The following GPC3 variants were observed in gnomAD, a reference collection of about 807,000 sequenced individuals.
GPC3 encodes glypican-3.
Under a neutral mutation model 34.4 loss-of-function variants are expected in GPC3, and 3 were observed. The ratio of observed to expected loss-of-function variants is 0.09; its 90% CI spans 0.04 to 0.23. The LOEUF is 0.23. Ranked by LOEUF, GPC3 falls within the 10% of genes least tolerant of loss-of-function variation. The pLI is 1.00. For missense variants in GPC3, 351 were observed against 445.6 expected, an observed-to-expected ratio of 0.79 and a Z score of 1.91; for synonymous variants, 177 against 174.0, an observed-to-expected ratio of 1.02 and a Z score of -0.13.
At chrX:133,602,938 A>C (rs1314044629) in intron 6 of GPC3, among the ~76,000 whole-genome samples, 1 of 110,997 alleles carries the variant, frequency 9.0e-6, no homozygotes, top group Non-Finnish European at 1.9e-5. Flanking sequence ...ATAACAAGTA[A>C]TTCAATGTGT....
At chrX:133,890,788 A>T (rs2076083000) in intron 2 of GPC3, among the ~76,000 whole-genome samples, 1 of 105,284 alleles carries the variant, frequency 9.5e-6, no homozygotes, top group Non-Finnish European at 1.9e-5. Flanking sequence ...TGAACCCAGG[A>T]GGCAGAGGTG....
At chrX:133,638,770 T>C (rs994085150) in intron 6 of GPC3, among the ~76,000 whole-genome samples, 2 of 106,919 alleles carry the variant, frequency 1.9e-5, no homozygotes, top group African/African-American at 3.5e-5. Flanking sequence ...GGAAGAAGAA[T>C]TGTCTTGGGC....
intron 1 of GPC3, among the ~76,000 whole-genome samples, chrX:133,957,278 A>G (rs2076420586): frequency 8.9e-6 from 1 of 112,317 alleles, no homozygotes; most frequent in Non-Finnish European, 1.9e-5. Context: ...CAAACCAGGA[A>G]GGAGAGAAAT....
chrX:133,972,651 T>C lies in GPC3; in HGVS notation c.175+12624A>G, dbSNP rs1453356356. On this transcript the variant is annotated intron_variant, in intron 1 of 7. Transcript: ENST00000370818. ...GTCTGTTATACTTAAATAGAGGGCA[T>C]GCACGCCAAGGCCATAAGAGTGAGA... 1.9e-4 allele frequency among the ~76,000 whole-genome samples: 21 copies of C among 112,517 alleles called. No homozygotes were observed. In the Admixed American group the frequency reaches 1.9e-3, roughly 10 times the overall value.
chrX:133,973,108 A>G (rs1192050169), intron 1 of GPC3, among the ~76,000 whole-genome samples: 1 of 111,310 alleles, frequency 9.0e-6, no homozygotes, highest in Non-Finnish European at 1.9e-5. Context: ...ACAAGCAAAG[A>G]CTGAAGCGAG....
rs186306705 is a variant in GPC3 at position 133,769,232 on chromosome X, G to A, written c.338-15056C>T. Among the ~76,000 whole-genome samples the A allele has an allele frequency of 7.0e-3, 783 of 111,914 alleles. 4 individuals carry two copies. Among genetic ancestry groups the A allele is most frequent in the Non-Finnish European group, 0.01 (542 of 53,176 alleles). On this transcript the variant is annotated intron_variant, in intron 2 of 7. Transcript: ENST00000370818. ...GAATGGTGGTTTTCAGAGCCTGGGTGAGGGCAAAACAGAGAGGTATCATCA... is the reference window on the plus strand; with the variant it reads ...GAATGGTGGTTTTCAGAGCCTGGGTAAGGGCAAAACAGAGAGGTATCATCA...
chrX:133,895,770 T>A (rs1257355807), intron 2 of GPC3, among the ~76,000 whole-genome samples: 1 of 110,708 alleles, frequency 9.0e-6, no homozygotes, highest in Non-Finnish European at 1.9e-5. Context: ...CACACACACA[T>A]CTCAAAAGCA....
At chrX:133,591,033 A>G (rs1310755760) in intron 7 of GPC3, among the ~76,000 whole-genome samples, 1 of 112,009 alleles carries the variant, frequency 8.9e-6, no homozygotes, top group Non-Finnish European at 1.9e-5. Context: ...CAGGAACAGA[A>G]CCTGCGTGTC....
At chrX:133,903,907 G>C (rs904117838) in intron 2 of GPC3, among the ~76,000 whole-genome samples, 16 of 111,614 alleles carry the variant, frequency 1.4e-4, no homozygotes, top group African/African-American at 3.9e-4. Context: ...ACAAGACTGT[G>C]ATTGGAGGAG....
intron 5 of GPC3, among the ~76,000 whole-genome samples, chrX:133,663,113 G>C (rs944500281): frequency 9.0e-6 from 1 of 110,802 alleles, no homozygotes; most frequent in African/African-American, 3.3e-5. Context: ...AACCAAAATT[G>C]GAATGATACT....
At chrX:133,809,959 G>T (rs938210279) in intron 2 of GPC3, among the ~76,000 whole-genome samples, 1 of 112,126 alleles carries the variant, frequency 8.9e-6, no homozygotes, top group African/African-American at 3.2e-5. Flanking sequence ...AGCAAACCTA[G>T]TGTGTGAACA....
At chrX:133,733,053 A>T (rs888800226) in intron 3 of GPC3, among the ~76,000 whole-genome samples, 1 of 110,639 alleles carries the variant, frequency 9.0e-6, no homozygotes, top group Non-Finnish European at 1.9e-5. Flanking sequence ...GTAGAGACAG[A>T]GTTTGACCAT....
chrX:133,625,756 T>C (rs748465749), intron 6 of GPC3, among the ~76,000 whole-genome samples: 36 of 111,901 alleles, frequency 3.2e-4, no homozygotes, highest in African/African-American at 1.1e-3. Flanking sequence ...AATTTATAGA[T>C]TCAATGCCAT....
intron 2 of GPC3, among the ~76,000 whole-genome samples, chrX:133,825,922 T>C (rs1033796309): frequency 3.6e-5 from 4 of 111,997 alleles, no homozygotes; most frequent in Non-Finnish European, 7.5e-5. Flanking sequence ...CTCTGTCCAA[T>C]CATTCACTGA....
At chrX:133,892,044 C>T (rs2076090316) in intron 2 of GPC3, among the ~76,000 whole-genome samples, 1 of 110,636 alleles carries the variant, frequency 9.0e-6, no homozygotes, top group Admixed American at 9.7e-5. Flanking sequence ...GTGCCTGAAA[C>T]ATAGAAACTC....
intron 2 of GPC3, among the ~76,000 whole-genome samples, chrX:133,924,814 T>G (rs1349790929): frequency 1.8e-5 from 2 of 111,484 alleles, no homozygotes; most frequent in Non-Finnish European, 3.8e-5. Context: ...GAGGGCAGTG[T>G]TCTGAATGAA....
chrX:133,595,992 T>C (rs1027969270), intron 7 of GPC3, among the ~76,000 whole-genome samples: 26 of 112,193 alleles, frequency 2.3e-4, no homozygotes, highest in African/African-American at 8.1e-4. Flanking sequence ...TTTCTTTTTT[T>C]TGTTTGTTTG....
At chrX:133,721,897 G>C (rs762427419) in intron 3 of GPC3, among the ~76,000 whole-genome samples, 8 of 111,558 alleles carry the variant, frequency 7.2e-5, no homozygotes, top group Non-Finnish European at 1.3e-4. Flanking sequence ...ATATGACAAT[G>C]AAAGCACAAA....
At chrX:133,657,168 C>A (rs1446759321) in intron 6 of GPC3, among the ~76,000 whole-genome samples, 1 of 111,996 alleles carries the variant, frequency 8.9e-6, no homozygotes, top group Non-Finnish European at 1.9e-5. Context: ...TGAACCTGAA[C>A]TGAAATGGGG....
Sources: gnomAD v4.1 joint callset for allele counts (sites outside exome capture counted in the v4.1 genomes callset) on GRCh38, gnomAD v4.1.1 for gene constraint, MANE v1.5 for transcripts, NCBI Gene and HGNC (gene_info 2026-07-23, HGNC 2026-07-21) for gene names.